SCUBE1: variants seen among roughly 807,000 people sequenced by gnomAD.
The protein encoded by SCUBE1 is signal peptide, CUB domain and EGF like domain containing 1, also known as signal peptide, CUB and EGF-like domain-containing protein 1.
Under a neutral mutation model 124.4 loss-of-function variants are expected in SCUBE1, and 59 were observed. That is an observed-to-expected ratio of 0.47 (90% confidence interval 0.38 to 0.59). The LOEUF is 0.59. Ranked by LOEUF, SCUBE1 falls within the 20% of genes least tolerant of loss-of-function variation. SCUBE1 has a pLI of 0.00. For missense variants in SCUBE1, 1,150 were observed against 1,371.2 expected (o/e 0.84, Z 2.55); for synonymous variants, 545 against 550.9 (o/e 0.99, Z 0.15).
chr22:43,198,353 C>T lies in SCUBE1; in HGVS notation c.*5644G>A, dbSNP rs527844472. 1.7e-5 allele frequency: 6 copies of T among 361,528 alleles called. No homozygotes were observed. Among genetic ancestry groups the T allele is most frequent in the South Asian group, 1.2e-4 (6 of 48,650 alleles). 22.4% of individuals were successfully genotyped at this position (361,528 alleles called of 1,614,324 possible). Reference sequence around the variant, plus strand: ...GCCATCGCAGCAGATGCTGGGAGGGCACGCAGGCCATGCCTGTGTTGTCTG... The same window carrying T: ...GCCATCGCAGCAGATGCTGGGAGGGTACGCAGGCCATGCCTGTGTTGTCTG... On this transcript the variant is annotated 3_prime_UTR_variant, in exon 22 of 22. Coordinates refer to ENST00000360835, the MANE Select transcript of SCUBE1 (RefSeq NM_173050.5).
chr22:43,294,521 G>A (rs1351449796), intron 3 of SCUBE1, among the ~76,000 whole-genome samples: 1 of 152,164 alleles, frequency 6.6e-6, no homozygotes, highest in Non-Finnish European at 1.5e-5. Context: ...CCGCCCCATG[G>A]TCCCCCAGCA....
At chr22:43,237,636 A>G (rs1382785295) in intron 7 of SCUBE1, 1 of 152,256 alleles carries the variant, frequency 6.6e-6, no homozygotes, top group African/African-American at 2.4e-5. Context: ...ATTTCTGTCA[A>G]TAATCACTCG....
chr22:43,262,574 G>A (rs1278708888), intron 5 of SCUBE1, 146 bp downstream of exon 5: 5 of 889,200 alleles, frequency 5.6e-6, no homozygotes, highest in Middle Eastern at 3.6e-4. Context: ...GCCCTATCAG[G>A]CCCCTTCCAC....
rs369205387 is a variant in SCUBE1 at position 43,321,567 on chromosome 22, TGTGCAGCCACTCTTGGTGTCC to T, written c.221-1523_221-1503del. Among the ~76,000 whole-genome samples, 301 of 152,230 alleles carry T rather than the reference TGTGCAGCCACTCTTGGTGTCC, an allele frequency of 2.0e-3. 1 individual carries two copies. Among genetic ancestry groups the T allele is most frequent in the African/African-American group, 6.6e-3 (275 of 41,540 alleles). On this transcript the variant is annotated intron_variant, in intron 2 of 21. Transcript: ENST00000360835. Reference sequence around the variant, plus strand: ...ACGCGCCAGAGTAAGGGGTCTGGGCTGTGCAGCCACTCTTGGTGTCCGTGCAGCCACTCTTGGTGTCCACCC... The same window carrying T: ...ACGCGCCAGAGTAAGGGGTCTGGGCTGTGCAGCCACTCTTGGTGTCCACCC...
intron 4 of SCUBE1, among the ~76,000 whole-genome samples, chr22:43,287,630 T>G (rs2146747737): frequency 6.6e-6 from 1 of 152,344 alleles, no homozygotes; most frequent in African/African-American, 2.4e-5. Flanking sequence ...AAAACCAGCC[T>G]GTGTGCTTTT....
At chr22:43,206,175 A>C (rs1224360683) in intron 21 of SCUBE1, among the ~76,000 whole-genome samples, 5 of 85,444 alleles carry the variant, frequency 5.9e-5, no homozygotes, top group Non-Finnish European at 1.2e-4. Context: ...CACACCACAC[A>C]CCCACCACAC....
At chr22:43,212,343 G>A in intron 17 of SCUBE1, 82 bp downstream of exon 17, 1 of 1,435,420 alleles carries the variant, frequency 7.0e-7, no homozygotes, top group Non-Finnish European at 9.4e-7. Flanking sequence ...TGGAGGAGAT[G>A]AGAGGGGTTC....
intron 6 of SCUBE1, among the ~76,000 whole-genome samples, chr22:43,248,996 T>C (rs571539419): frequency 7.9e-5 from 12 of 152,224 alleles, no homozygotes; most frequent in Admixed American, 5.9e-4. Context: ...GGAAAAGACC[T>C]AGCTTCTGCC....
chr22:43,278,839 G>A (rs374033209), intron 4 of SCUBE1, among the ~76,000 whole-genome samples: 4 of 152,176 alleles, frequency 2.6e-5, no homozygotes, highest in African/African-American at 7.2e-5. Flanking sequence ...AGCATCAGGC[G>A]ACCCTGTATG....
Position 43,258,206 on chromosome 22 carries a change from G to A in SCUBE1, c.727+13C>T, listed in dbSNP as rs768753365. The A allele has an allele frequency of 1.9e-6, 3 of 1,582,910 alleles. No individual in the cohort carries two copies. Among genetic ancestry groups the A allele is most frequent in the Non-Finnish European group, 2.6e-6 (3 of 1,152,718 alleles). ...GGGCGCAAGGGTGGTGTGTGGCAGAGGTGCCTACTTACCGATGCACGTGCG... is the reference window on the plus strand; with the variant it reads ...GGGCGCAAGGGTGGTGTGTGGCAGAAGTGCCTACTTACCGATGCACGTGCG... On this transcript the variant is annotated intron_variant, in intron 6 of 21. Coordinates refer to ENST00000360835, the MANE Select transcript of SCUBE1 (RefSeq NM_173050.5). This position sits in a 1 kb window ranked among gnomAD's most constrained non-coding sequence, Gnocchi z 5.0.
chr22:43,272,326 A>G (rs557456082), intron 4 of SCUBE1: 1 of 152,162 alleles, frequency 6.6e-6, no homozygotes, highest in Non-Finnish European at 1.5e-5. Flanking sequence ...TTCTGCTCTG[A>G]CACCGACTCT....
rs144445957 is a variant in SCUBE1, at chr22:43,314,338, A to G, written c.349+5599T>C. On this transcript the variant is annotated intron_variant, in intron 3 of 21. Transcript: ENST00000360835. Reference sequence around the variant, plus strand: ...GAGACTGTGGCGAACAAGAGAGTACACACCCCCTCTGAAGCAGGCAGCTGC... The same window carrying G: ...GAGACTGTGGCGAACAAGAGAGTACGCACCCCCTCTGAAGCAGGCAGCTGC... Among the ~76,000 whole-genome samples, 7 of 152,264 alleles carry G rather than the reference A, an allele frequency of 4.6e-5. No individual in the cohort carries two copies. The East Asian group carries it at 1.4e-3, about 29-fold the overall frequency.
At position 43,210,783 on chromosome 22, in the gene SCUBE1, C is replaced by T; in HGVS notation, c.2383+139G>A. 8.5e-6 allele frequency: 9 copies of T among 1,055,912 alleles called. No individual in the cohort carries two copies. Among genetic ancestry groups the T allele is most frequent in the Middle Eastern group, 3.1e-4 (1 of 3,274 alleles). The allele number at this position is 1,055,912 out of a possible 1,614,324, so 65.4% of individuals were successfully genotyped here. A position where few individuals can be genotyped will look rare whatever the true frequency, so the allele number is the denominator to read the frequency against. ...CAGGCCTCCAGATGGATGCAATGCA[C>T]CCGAGAGCAGACGGGACGGAGCGGG... On this transcript the variant is annotated intron_variant, in intron 18 of 21. Transcript: ENST00000360835. The surrounding 1 kb of genome is among the most constrained non-coding windows in gnomAD (Gnocchi z 4.5).
Position 43,229,134 on chromosome 22 carries a change from G to A in SCUBE1, c.1022C>T (p.Pro341Leu), listed in dbSNP as rs752949276. The A allele has an allele frequency of 1.5e-5, 25 of 1,613,898 alleles. No individual in the cohort carries two copies. Among genetic ancestry groups the A allele is most frequent in the Middle Eastern group, 1.6e-4 (1 of 6,080 alleles). The change falls in exon 9 of 22, where the codon CCG (proline) becomes CTG (leucine). Residue 341 changes from proline to leucine, a missense_variant. By Grantham distance (98) the Pro-to-Leu change is moderately conservative. Transcript: ENST00000360835. ...GTGACACAGGCACTGGAAGCTGCCCGGGGAGTTGATGCAGATGTGGTCACA... is the reference window on the plus strand; with the variant it reads ...GTGACACAGGCACTGGAAGCTGCCCAGGGAGTTGATGCAGATGTGGTCACA... ...RTCDHICINSPGSFQCLCHRG... is the reference protein window; with the variant it reads ...RTCDHICINSLGSFQCLCHRG...
At chr22:43,226,400 CAA>C (rs1039193650) in intron 10 of SCUBE1, among the ~76,000 whole-genome samples, 2 of 150,908 alleles carry the variant, frequency 1.3e-5, no homozygotes, top group African/African-American at 4.9e-5. Flanking sequence ...ACCCTCACAG[CAA>C]GGGAGGAGTG....
intron 7 of SCUBE1, among the ~76,000 whole-genome samples, chr22:43,236,815 C>T (rs1922782111): frequency 6.6e-6 from 1 of 152,168 alleles, no homozygotes; most frequent in African/African-American, 2.4e-5. Flanking sequence ...AAAATGAAAA[C>T]CTGTCTTCTG....
chr22:43,333,553 G>C (rs1390979424), intron 2 of SCUBE1, among the ~76,000 whole-genome samples: 1 of 152,186 alleles, frequency 6.6e-6, no homozygotes, highest in East Asian at 1.9e-4. Context: ...CTGGTGAAGT[G>C]GGTAAGAGGC....
In SCUBE1 at chr22:43,258,788, G is replaced by A. The variant is rs1003489243; in HGVS notation, c.611-453C>T. On this transcript the variant is annotated intron_variant, in intron 5 of 21. Coordinates refer to ENST00000360835, the MANE Select transcript of SCUBE1 (RefSeq NM_173050.5). This position sits in a 1 kb window ranked among gnomAD's most constrained non-coding sequence, Gnocchi z 5.0. Reference sequence around the variant, plus strand: ...GGTGACCCTCATTTCCTTAGTTCTGGCAGAGCTTTCCTTCCTCTGCCTGTC... The same window carrying A: ...GGTGACCCTCATTTCCTTAGTTCTGACAGAGCTTTCCTTCCTCTGCCTGTC... Among the ~76,000 whole-genome samples, 1 of 152,154 alleles carries A rather than the reference G, an allele frequency of 6.6e-6. No homozygotes were observed. The highest frequency in any genetic ancestry group is 2.4e-5 in the African/African-American group (1 of 41,426).
chr22:43,280,414 ATCC>A (rs1413684291), intron 4 of SCUBE1, among the ~76,000 whole-genome samples: 6 of 17,374 alleles, frequency 3.5e-4, no homozygotes, highest in African/African-American at 9.6e-4. Flanking sequence ...CCCCTCACCC[ATCC>A]TCCTGTCCCT....
Sources: allele counts gnomAD v4.1 joint callset (sites outside exome capture counted in the v4.1 genomes callset), GRCh38; gene constraint gnomAD v4.1.1; non-coding constraint Gnocchi (gnomAD v3.1); transcripts MANE v1.5; gene names NCBI Gene and HGNC (gene_info 2026-07-23, HGNC 2026-07-21).